UBE2D4: variants seen among roughly 807,000 people sequenced by gnomAD.
UBE2D4 encodes the protein ubiquitin conjugating enzyme E2 D4.
A neutral mutation model predicts 23.0 loss-of-function variants in UBE2D4; 17 were observed. The observed-to-expected ratio is 0.74, with a 90% CI of 0.51 to 1.11. UBE2D4 has a LOEUF of 1.11. Among genes scored for constraint, UBE2D4 ranks in the 50% least tolerant of loss-of-function variants. UBE2D4 has a pLI of 0.00. For missense variants in UBE2D4, 139 were observed against 181.8 expected (o/e 0.76, Z 1.35); for synonymous variants, 61 against 69.4 (o/e 0.88, Z 0.60).
intron 1 of UBE2D4, among the ~76,000 whole-genome samples, chr7:43,928,572 G>A (rs2095938568): frequency 6.6e-6 from 1 of 152,158 alleles, no homozygotes; most frequent in African/African-American, 2.4e-5. Flanking sequence ...TGGCAGCAGT[G>A]TGGCCGGAAG....
chr7:43,933,013 T>TATATATATATATACACAC (rs1340458201), intron 1 of UBE2D4, among the ~76,000 whole-genome samples: 4 of 116,648 alleles, frequency 3.4e-5, no homozygotes, highest in African/African-American at 1.0e-4. Context: ...TATATATATA[T>TATATATATATATACACAC]ACACACACAT....
intron 2 of UBE2D4, 142 bp downstream of exon 2, chr7:43,938,636 A>T: frequency 1.3e-6 from 1 of 752,410 alleles, no homozygotes; most frequent in Non-Finnish European, 2.2e-6. Context: ...AGGAGTTTGA[A>T]ACTAGCCTGG....
chr7:43,942,460 C>T (rs965567203), intron 2 of UBE2D4: 5 of 418,144 alleles, frequency 1.2e-5, no homozygotes, highest in African/African-American at 1.0e-4. Context: ...AATACGGAGG[C>T]TCCAGTGAGC....
At chr7:43,939,444 C>T (rs2095966195) in intron 2 of UBE2D4, among the ~76,000 whole-genome samples, 1 of 152,258 alleles carries the variant, frequency 6.6e-6, no homozygotes, top group Admixed American at 6.5e-5. Flanking sequence ...GCCCACTCAC[C>T]TTGCCTCCAC....
chr7:43,934,321 C>T (rs1399691764), intron 1 of UBE2D4, among the ~76,000 whole-genome samples: 1 of 152,042 alleles, frequency 6.6e-6, no homozygotes, highest in Non-Finnish European at 1.5e-5. Context: ...TAAGAATTGC[C>T]ACATTACCAT....
At chr7:43,939,546 C>T (rs1585867432) in intron 2 of UBE2D4, among the ~76,000 whole-genome samples, 1 of 152,308 alleles carries the variant, frequency 6.6e-6, no homozygotes, top group South Asian at 2.1e-4. Flanking sequence ...AGGGGAGATA[C>T]TATGTGTTCA....
rs1284094186 is a variant in UBE2D4 at position 43,948,720 on chromosome 7, C to T, written c.287C>T (p.Ala96Val). 3.1e-6 allele frequency: 5 copies of T among 1,612,902 alleles called. No individual in the cohort carries two copies. The highest frequency in any genetic ancestry group is 4.2e-6 in the Non-Finnish European group (5 of 1,179,194). The change falls in exon 5 of 7, where the codon GCG (alanine) becomes GTG (valine). Residue 96 changes from alanine to valine, a missense_variant. Coordinates refer to ENST00000222402, the MANE Select transcript of UBE2D4 (RefSeq NM_015983.4). The part of the protein sequence containing the change: ...LDILRSQWSP[A>V]LTVSKVLLSI... ...ATCCTGCGGTCTCAGTGGTCTCCAG[C>T]GTTGACTGTGTCAAAAGGTAGAGAT... is the stretch of plus-strand genomic sequence containing the variant.
At position 43,950,582 on chromosome 7, in the gene UBE2D4, T is replaced by A; in HGVS notation, c.305-17T>A. ...GCTTCGTGGCTACAGCTGACCAACC[T>A]TTTCTTTTCTTCCCAGTTCTCTTGT... is the stretch of plus-strand genomic sequence containing the variant. On this transcript the variant is annotated splice_polypyrimidine_tract_variant and intron_variant, in intron 5 of 6. Transcript: ENST00000222402. The A allele has an allele frequency of 6.2e-7, 1 of 1,611,978 alleles. No homozygotes were observed. Among genetic ancestry groups the A allele is most frequent in the Non-Finnish European group, 8.5e-7 (1 of 1,178,030 alleles).
intron 2 of UBE2D4, chr7:43,942,393 A>G (rs1020865120): frequency 2.1e-4 from 64 of 305,262 alleles, no homozygotes; most frequent in African/African-American, 1.2e-3. Flanking sequence ...GATCAGTCCT[A>G]TGGGCATTCA....
chr7:43,949,625 T>A (rs573544459), intron 5 of UBE2D4, among the ~76,000 whole-genome samples: 19 of 152,320 alleles, frequency 1.2e-4, no homozygotes, highest in African/African-American at 4.3e-4. Context: ...TCCAGTTTGT[T>A]TGGAATCATA....
intron 4 of UBE2D4, among the ~76,000 whole-genome samples, chr7:43,946,961 T>C (rs1326783577): frequency 6.6e-6 from 1 of 152,090 alleles, no homozygotes; most frequent in African/African-American, 2.4e-5. Context: ...ACATGTGCCA[T>C]GTTGGTTTGC....
Position 43,953,090 on chromosome 7 carries a change from C to G in UBE2D4, c.*395C>G, listed in dbSNP as rs2096006610. On this transcript the variant is annotated 3_prime_UTR_variant, in exon 7 of 7. Coordinates refer to ENST00000222402, the MANE Select transcript of UBE2D4 (RefSeq NM_015983.4). ...CCTCAGCCTGGCCCCTCACCACATA[C>G]CCTTTGCCTTTTAGAACTCAGTGCC... The G allele has an allele frequency of 2.2e-6, 1 of 456,720 alleles. No homozygotes were observed. The allele number at this position is 456,720 out of a possible 1,614,324, so 28.3% of individuals were successfully genotyped here.
At position 43,952,665 on chromosome 7, in the gene UBE2D4, AAG is replaced by A. The variant is rs757649460; in HGVS notation, c.419_420del (p.Glu140ValfsTer36). Reference sequence around the variant, plus strand: ...TTTATTCCAGGTACAACAGACTAGCAAGAGAGTGGACACAAAAATATGCTATG... The same window carrying A: ...TTTATTCCAGGTACAACAGACTAGCAAGAGTGGACACAAAAATATGCTATG... ...ADREKYNRLAREWTQKYAM is the reference protein window; with the variant it reads ...ADREKYNRLAXEWTQKYAM On this transcript the variant is annotated frameshift_variant, in exon 7 of 7. Transcript: ENST00000222402. LOFTEE classifies it high-confidence loss of function. 2.5e-6 allele frequency: 4 copies of A among 1,613,902 alleles called. No homozygotes were observed. Among genetic ancestry groups the A allele is most frequent in the Non-Finnish European group, 3.4e-6 (4 of 1,179,848 alleles).
intron 2 of UBE2D4, chr7:43,942,187 A>G (rs529523172): frequency 1.2e-3 from 183 of 153,864 alleles, no homozygotes; most frequent in African/African-American, 4.3e-3. Context: ...GTGGTGGCAC[A>G]CACCTGTTGT....
intron 1 of UBE2D4, among the ~76,000 whole-genome samples, chr7:43,930,749 C>T (rs558692957): frequency 1.3e-5 from 2 of 152,280 alleles, no homozygotes; most frequent in South Asian, 4.1e-4. Flanking sequence ...CCACTGTTCT[C>T]AACCAGGACA....
At chr7:43,934,060 C>T (rs970277161) in intron 1 of UBE2D4, among the ~76,000 whole-genome samples, 2 of 152,114 alleles carry the variant, frequency 1.3e-5, no homozygotes, top group Admixed American at 1.3e-4. Flanking sequence ...AACAGGACAA[C>T]GACGAGTAAA....
intron 6 of UBE2D4, chr7:43,952,234 C>T (rs1473148812): frequency 1.0e-5 from 2 of 199,418 alleles, no homozygotes; most frequent in Non-Finnish European, 2.1e-5. Flanking sequence ...TACTGATGCA[C>T]ACCCCGGTAG....
At chr7:43,927,780 T>C (rs963608444) in intron 1 of UBE2D4, among the ~76,000 whole-genome samples, 2 of 152,184 alleles carry the variant, frequency 1.3e-5, no homozygotes, top group African/African-American at 4.8e-5. Flanking sequence ...AGCCTCCCAG[T>C]CCTACATGTT....
rs1360264156 is a variant in UBE2D4 at position 43,942,956 on chromosome 7, T to A, written c.123T>A (p.Asn41Lys). 6.2e-7 allele frequency: 1 copy of A among 1,614,198 alleles called. No individual in the cohort carries two copies. Among genetic ancestry groups the A allele is most frequent in the Admixed American group, 1.7e-5 (1 of 60,020 alleles). ...FHWQATIMGP[N>K]DSPYQGGVFF... ...CTTTCTGTGTCTCATCCTTCCAGAATGACAGTCCTTACCAAGGAGGTGTTT... is the reference window on the plus strand; with the variant it reads ...CTTTCTGTGTCTCATCCTTCCAGAAAGACAGTCCTTACCAAGGAGGTGTTT... The change falls in exon 4 of 7, where the codon AAT (asparagine) becomes AAA (lysine). Residue 41 changes from asparagine (N) to lysine (K), a missense_variant and splice_region_variant. Coordinates refer to ENST00000222402, the MANE Select transcript of UBE2D4 (RefSeq NM_015983.4).
Sources: gnomAD v4.1 joint callset for allele counts (sites outside exome capture counted in the v4.1 genomes callset) on GRCh38, gnomAD v4.1.1 for gene constraint, MANE v1.5 for transcripts, NCBI Gene and HGNC (gene_info 2026-07-23, HGNC 2026-07-21) for gene names.